ZNF44: variants seen among roughly 807,000 people sequenced by gnomAD.
The protein encoded by ZNF44 is zinc finger protein 44.
ZNF44 carries 9 observed loss-of-function variants against 11.7 expected under a neutral mutation model. The ratio of observed to expected loss-of-function variants is 0.77; its 90% CI spans 0.46 to 1.35. ZNF44 has a LOEUF of 1.35. Ranked by LOEUF, ZNF44 falls within the 40% of genes most tolerant of loss-of-function variation. The probability of loss-of-function intolerance (pLI) is 0.00; values close to 1 mark genes in which losing one functional copy is unlikely to be tolerated. For synonymous variants in ZNF44, 224 were observed against 242.7 expected (o/e 0.92, Z 0.72); for missense variants, 696 against 743.1 (o/e 0.94, Z 0.74).
intron 3 of ZNF44, among the ~76,000 whole-genome samples, chr19:12,230,170 C>T (rs904216603): frequency 3.3e-5 from 5 of 152,062 alleles, no homozygotes; most frequent in South Asian, 2.1e-4. Flanking sequence ...CCAAGTTTGG[C>T]GAGGTTGTGA....
intron 1 of ZNF44, among the ~76,000 whole-genome samples, chr19:12,236,818 ATTGT>A (rs1276378738): frequency 2.0e-5 from 3 of 152,178 alleles, no homozygotes; most frequent in African/African-American, 4.8e-5. Flanking sequence ...TCCAGGACAC[ATTGT>A]TTGTGCTGGG....
chr19:12,250,627 A>T (rs1916953040), intron 5 of ZNF44: 2 of 382,592 alleles, frequency 5.2e-6, no homozygotes, highest in East Asian at 1.5e-4. Context: ...GAAAAGTGAG[A>T]GAAATGCTGT....
chr19:12,234,562 AT>A (rs1916302022), intron 2 of ZNF44: 1 of 152,234 alleles, frequency 6.6e-6, no homozygotes, highest in African/African-American at 2.4e-5. Flanking sequence ...TGCTTGATCA[AT>A]TCATCAAAAT....
chr19:12,275,217 CT>C (rs932798501), intron 2 of ZNF44, among the ~76,000 whole-genome samples, 184 bp from the exon 3 acceptor site: 134 of 152,240 alleles, frequency 8.8e-4, no homozygotes, highest in African/African-American at 3.0e-3. Flanking sequence ...TCTGCTACCC[CT>C]GAGACAGCAA....
At chr19:12,279,730 T>C (rs569858233) in intron 1 of ZNF44, among the ~76,000 whole-genome samples, 4 of 151,596 alleles carry the variant, frequency 2.6e-5, no homozygotes, top group Non-Finnish European at 5.9e-5. Context: ...AATTGAGCCA[T>C]ATAGAATTTC....
chr19:12,246,264 C>G (rs899621763), downstream of ZNF44, among the ~76,000 whole-genome samples: 1 of 152,196 alleles, frequency 6.6e-6, no homozygotes, highest in Non-Finnish European at 1.5e-5. Context: ...GTTGTCCTAT[C>G]ACAGATCTTA....
intron 5 of ZNF44, chr19:12,250,439 A>G: frequency 1.7e-6 from 2 of 1,203,102 alleles, no homozygotes; most frequent in Non-Finnish European, 1.1e-6. Flanking sequence ...TACTCGAGTC[A>G]TAAGATGTTC....
chr19:12,268,298 C>CA (rs1299376230), downstream of ZNF44, among the ~76,000 whole-genome samples: 1 of 152,160 alleles, frequency 6.6e-6, no homozygotes, highest in Non-Finnish European at 1.5e-5. Flanking sequence ...ATAAAGGTCT[C>CA]AGTTCATCTT....
chr19:12,294,652 C>A (rs985227586), intron 1 of ZNF44, 40 bp downstream of exon 1: 1 of 1,553,048 alleles, frequency 6.4e-7, no homozygotes, highest in Admixed American at 1.9e-5. Context: ...TCCGACCAGC[C>A]CTTCGCCCTG....
rs941792930 is a variant in ZNF44, at chr19:12,285,156, A to C, written c.4-9074T>G. 25 of 571,398 alleles carry C rather than the reference A, an allele frequency of 4.4e-5. No homozygotes were observed. In the Admixed American group the frequency reaches 6.9e-4, roughly 16 times the overall value. The allele number at this position is 571,398 out of a possible 1,614,324, so 35.4% of individuals were successfully genotyped here. On this transcript the variant is annotated intron_variant, in intron 1 of 3. Coordinates refer to ENST00000355684, the MANE Select transcript of ZNF44 (RefSeq NM_016264.4). ...CCACACCAGAGTCTCTGTGCAGAGG[A>C]CCCAGGCTCCAGCTGTGGCTACAAC...
rs753846646 is a variant in ZNF44 at position 12,273,703 on chromosome 19, A to C, written c.552T>G (p.Leu184=). 2.5e-6 allele frequency: 4 copies of C among 1,614,052 alleles called. No homozygotes were observed. The change falls in exon 4 of 4, where the codon CTT becomes CTG. Residue 184 remains leucine, a synonymous_variant. Transcript: ENST00000355684. ...CACCTTTTACTACCATATGTCTTCG[A>C]AGGTTTCCAGGAGAACTGAAGGTTT... is the stretch of plus-strand genomic sequence containing the variant. ...CGKTFSSPGN[L]RRHMVVKGGD...
chr19:12,266,289 C>T (rs1163259136), intron 5 of ZNF44: 6 of 985,404 alleles, frequency 6.1e-6, no homozygotes, highest in East Asian at 1.1e-4. Flanking sequence ...TCCTGGACTC[C>T]AGGGTGTCCC....
At chr19:12,257,864 G>A (rs11665967) in intron 5 of ZNF44, among the ~76,000 whole-genome samples, 21,339 of 150,834 alleles carry the variant, frequency 0.14, 1,611 homozygotes, top group African/African-American at 0.2. Flanking sequence ...CCAGCTACTC[G>A]GGAGGCCAAG....
At chr19:12,247,710 T>A (rs747112581) in exon 8 of ZNF44, 9 of 1,351,360 alleles carry the variant, frequency 6.7e-6, no homozygotes, top group Non-Finnish European at 7.9e-6. Flanking sequence ...CTCTCCAGTA[T>A]GAGTCCTTTC....
At chr19:12,284,013 C>A (rs1266539332) in intron 1 of ZNF44, among the ~76,000 whole-genome samples, 1 of 152,106 alleles carries the variant, frequency 6.6e-6, no homozygotes, top group African/African-American at 2.4e-5. Context: ...AGGAAGAGTT[C>A]ATCTAAGTAG....
Position 12,294,721 on chromosome 19 carries a change from C to T in ZNF44, c.-27G>A, listed in dbSNP as rs1487078813. On this transcript the variant is annotated 5_prime_UTR_variant, in exon 1 of 4. Coordinates refer to ENST00000355684, the MANE Select transcript of ZNF44 (RefSeq NM_016264.4). ...TCCCGGCTGTGCGGTGTCCCGGGTC[C>T]TCCCAACTCCCGTAGTCAGGGTAGG... 1.3e-6 allele frequency: 2 copies of T among 1,555,226 alleles called. No individual in the cohort carries two copies. Among genetic ancestry groups the T allele is most frequent in the East Asian group, 2.5e-5 (1 of 40,798 alleles).
In ZNF44 at chr19:12,275,039, A is replaced by C; in HGVS notation, c.131-6T>G. On this transcript the variant is annotated splice_polypyrimidine_tract_variant and splice_region_variant and intron_variant, in intron 2 of 3. Coordinates refer to ENST00000355684, the MANE Select transcript of ZNF44 (RefSeq NM_016264.4). ...CTGGTTTTCCCATTTCATTCCTAAA[A>C]GAGAGATCCAGAAAATTCACTATAA... 6.4e-7 allele frequency: 1 copy of C among 1,564,992 alleles called. No individual in the cohort carries two copies.
intron 1 of ZNF44, among the ~76,000 whole-genome samples, chr19:12,283,496 T>C (rs1967575836): frequency 6.6e-6 from 1 of 151,830 alleles, no homozygotes. Flanking sequence ...GCCTGGCTAA[T>C]TTTTTTGTAT....
downstream of ZNF44, chr19:12,244,680 G>T (rs1916720977): frequency 6.6e-6 from 1 of 152,552 alleles, no homozygotes; most frequent in Non-Finnish European, 1.5e-5. Flanking sequence ...TAACCTAAAA[G>T]AAAACAGACT....
Sources: allele counts gnomAD v4.1 joint callset (sites outside exome capture counted in the v4.1 genomes callset), GRCh38; gene constraint gnomAD v4.1.1; transcripts MANE v1.5; gene names NCBI Gene and HGNC (gene_info 2026-07-23, HGNC 2026-07-21).